Variants in KALRN observed in about 807,000 individuals in gnomAD.
KALRN encodes kalirin RhoGEF kinase, also known as kalirin.
In KALRN, 70 loss-of-function variants were observed where a neutral mutation model predicts 353.7. That is an observed-to-expected ratio of 0.20 (90% CI 0.16 to 0.24). KALRN has a LOEUF of 0.24. KALRN is among the 10% of genes least tolerant of loss of function. The pLI is 1.00. For missense variants in KALRN, 2,791 were observed against 3,756.7 expected, an observed-to-expected ratio of 0.74 and a Z score of 6.72; for synonymous variants, 1,391 against 1,434.8, an observed-to-expected ratio of 0.97 and a Z score of 0.69.
chr3:124,147,125 G>T (rs182798409), intron 1 of KALRN, among the ~76,000 whole-genome samples: 1 of 152,146 alleles, frequency 6.6e-6, no homozygotes, highest in Non-Finnish European at 1.5e-5. Flanking sequence ...AAGGTCCCCA[G>T]GTTATCACAG....
At chr3:124,623,550 T>G (rs1205391822) in intron 34 of KALRN, among the ~76,000 whole-genome samples, 1 of 152,032 alleles carries the variant, frequency 6.6e-6, no homozygotes, top group African/African-American at 2.4e-5. Context: ...TATTTGAGGA[T>G]AGGAAGCATC....
intron 10 of KALRN, among the ~76,000 whole-genome samples, chr3:124,353,680 G>A (rs12489341): frequency 0.025 from 3,780 of 151,916 alleles, 108 homozygotes; most frequent in East Asian, 0.13. Context: ...GCAAGCAGAA[G>A]GAAAAGGTGG....
intron 28 of KALRN, among the ~76,000 whole-genome samples, chr3:124,486,799 C>A (rs2108338247): frequency 6.6e-6 from 1 of 152,238 alleles, no homozygotes; most frequent in East Asian, 1.9e-4. Flanking sequence ...TATCACTTGC[C>A]CTGAAGAGAG....
intron 34 of KALRN, among the ~76,000 whole-genome samples, chr3:124,602,831 CT>C (rs1377497704): frequency 6.6e-6 from 1 of 152,154 alleles, no homozygotes; most frequent in East Asian, 1.9e-4. Flanking sequence ...AATGACAAAG[CT>C]GAGGCTTAGA....
At chr3:124,512,293 C>T (rs1046620114) in intron 33 of KALRN, among the ~76,000 whole-genome samples, 2 of 152,212 alleles carry the variant, frequency 1.3e-5, no homozygotes, top group Non-Finnish European at 2.9e-5. Flanking sequence ...GAGCTGTAGC[C>T]TGGAGTTATT....
chr3:124,232,041 C>T (rs2079216455), intron 2 of KALRN, among the ~76,000 whole-genome samples: 1 of 152,146 alleles, frequency 6.6e-6, no homozygotes, highest in Admixed American at 6.5e-5. Flanking sequence ...TTTCTGATAT[C>T]CTCTTGTCAT....
intron 15 of KALRN, 74 bp from the exon 16 acceptor site, chr3:124,430,582 C>A (rs772154237): frequency 1.3e-6 from 2 of 1,572,190 alleles, no homozygotes; most frequent in Admixed American, 3.5e-5. Context: ...AACTGAAGTC[C>A]CCATGAGAGG....
At position 124,209,477 on chromosome 3, in the gene KALRN, A is replaced by G. The variant is rs1029158444; in HGVS notation, c.74-18513A>G. On this transcript the variant is annotated intron_variant, in intron 1 of 59. Transcript: ENST00000682506. ...GCACTCTAGCCTGGGCAACAGAGCAAGACTCACTCTGTCTCAAAAAAAAAA... is the reference window on the plus strand; with the variant it reads ...GCACTCTAGCCTGGGCAACAGAGCAGGACTCACTCTGTCTCAAAAAAAAAA... Among the ~76,000 whole-genome samples, 4 of 137,496 alleles carry G rather than the reference A, an allele frequency of 2.9e-5. No homozygotes were observed. In the Admixed American group the frequency reaches 3.2e-4, roughly 11 times the overall value. 90.2% of individuals were successfully genotyped at this position (137,496 alleles called of 152,430 possible).
At chr3:124,132,275 T>C (rs2065387671) in intron 1 of KALRN, among the ~76,000 whole-genome samples, 1 of 152,146 alleles carries the variant, frequency 6.6e-6, no homozygotes, top group African/African-American at 2.4e-5. Context: ...GGACATGTCT[T>C]GATGAGCAAA....
chr3:124,631,165 C>T (rs2080741537), intron 34 of KALRN, among the ~76,000 whole-genome samples: 1 of 152,232 alleles, frequency 6.6e-6, no homozygotes, highest in Non-Finnish European at 1.5e-5. Context: ...TGGCTACTTT[C>T]TTGTCCTCTC....
At chr3:124,277,996 ATGTGTG>A (rs3054178) in intron 5 of KALRN, among the ~76,000 whole-genome samples, 11 of 146,208 alleles carry the variant, frequency 7.5e-5, no homozygotes, top group South Asian at 2.3e-4. Context: ...GAGATGAACT[ATGTGTG>A]TGTGTGTGTG....
At chr3:124,068,371 C>T (rs965717349) in intron 1 of KALRN, among the ~76,000 whole-genome samples, 2 of 152,152 alleles carry the variant, frequency 1.3e-5, no homozygotes, top group African/African-American at 4.8e-5. Flanking sequence ...AGCATCCAGA[C>T]CACTTTGTGA....
chr3:124,498,113 G>A (rs1273559407), intron 33 of KALRN, among the ~76,000 whole-genome samples: 1 of 152,176 alleles, frequency 6.6e-6, no homozygotes, highest in Non-Finnish European at 1.5e-5. Context: ...GGGAAGGCAG[G>A]AACTAGAACA....
intron 25 of KALRN, among the ~76,000 whole-genome samples, chr3:124,465,944 G>A (rs2060290860): frequency 6.6e-6 from 1 of 152,058 alleles, no homozygotes; most frequent in South Asian, 2.1e-4. Flanking sequence ...AGGGTTATGT[G>A]GTGAATACAT....
chr3:124,572,967 G>T, intron 34 of KALRN, among the ~76,000 whole-genome samples: 1 of 152,040 alleles, frequency 6.6e-6, no homozygotes, highest in East Asian at 1.9e-4. Context: ...AGCCCAGGAG[G>T]TCGAGCCTGC....
intron 33 of KALRN, among the ~76,000 whole-genome samples, chr3:124,503,796 C>T (rs1376485188): frequency 1.3e-5 from 2 of 152,196 alleles, no homozygotes; most frequent in Non-Finnish European, 2.9e-5. Context: ...AAATAAATGA[C>T]TGGCTTCCAG....
chr3:124,314,867 T>C (rs1268141893), intron 6 of KALRN, among the ~76,000 whole-genome samples: 1 of 152,268 alleles, frequency 6.6e-6, no homozygotes, highest in East Asian at 1.9e-4. Context: ...GTTGCCCAGG[T>C]TGGTCTCAAA....
At chr3:124,104,167 A>C (rs1172377305) in intron 1 of KALRN, among the ~76,000 whole-genome samples, 1 of 152,172 alleles carries the variant, frequency 6.6e-6, no homozygotes, top group Non-Finnish European at 1.5e-5. Flanking sequence ...TTGCTAGATG[A>C]GTGCTATGAA....
intron 27 of KALRN, among the ~76,000 whole-genome samples, chr3:124,478,343 C>G (rs1400792935): frequency 1.3e-5 from 2 of 152,044 alleles, no homozygotes; most frequent in Non-Finnish European, 2.9e-5. Context: ...GGGCTAGGCC[C>G]CGTGGAGAAT....
Sources: allele counts gnomAD v4.1 joint callset (sites outside exome capture counted in the v4.1 genomes callset), GRCh38; gene constraint gnomAD v4.1.1; transcripts MANE v1.5; gene names NCBI Gene and HGNC (gene_info 2026-07-23, HGNC 2026-07-21).